CNTN6: variants seen among roughly 807,000 people sequenced by gnomAD.
The protein encoded by CNTN6 is contactin-6.
A neutral mutation model predicts 122.8 loss-of-function variants in CNTN6; 137 were observed. The observed-to-expected ratio is 1.12, with a 90% CI of 0.97 to 1.29. The LOEUF (loss-of-function observed/expected upper bound fraction) is 1.29, where lower values mean the gene tolerates loss of function less well. CNTN6 is among the 50% of genes most tolerant of loss of function. The probability of loss-of-function intolerance (pLI) is 0.00; values close to 1 mark genes in which losing one functional copy is unlikely to be tolerated. For missense variants in CNTN6, 1,634 were observed against 1,223.4 expected, an observed-to-expected ratio of 1.34 and a Z score of -5.01; for synonymous variants, 570 against 426.0, an observed-to-expected ratio of 1.34 and a Z score of -4.16.
At chr3:1,233,676 A>G (rs1045571306) in intron 4 of CNTN6, among the ~76,000 whole-genome samples, 1 of 139,174 alleles carries the variant, frequency 7.2e-6, no homozygotes, top group Non-Finnish European at 1.5e-5. Flanking sequence ...CAGAGGTTGC[A>G]GTGAGCTGAG....
chr3:1,298,668 G>A (rs1254512970), intron 7 of CNTN6, among the ~76,000 whole-genome samples: 1 of 152,086 alleles, frequency 6.6e-6, no homozygotes, highest in African/African-American at 2.4e-5. Flanking sequence ...AAAAAAGAAG[G>A]AGACAGATAG....
At chr3:1,273,777 C>T (rs1452669124) in intron 4 of CNTN6, among the ~76,000 whole-genome samples, 1 of 152,134 alleles carries the variant, frequency 6.6e-6, no homozygotes, top group East Asian at 1.9e-4. Flanking sequence ...ATAGAAATCC[C>T]ATTGTAATCA....
chr3:1,155,343 A>T (rs553823814), intron 2 of CNTN6, among the ~76,000 whole-genome samples: 8 of 152,258 alleles, frequency 5.3e-5, no homozygotes, highest in African/African-American at 1.7e-4. Flanking sequence ...CACGTTATTG[A>T]CCTCTCAAAA....
At chr3:1,232,442 C>T (rs552223785) in intron 4 of CNTN6, among the ~76,000 whole-genome samples, 116 of 152,224 alleles carry the variant, frequency 7.6e-4, no homozygotes, top group Non-Finnish European at 1.0e-3. Flanking sequence ...CAGGGGAAAC[C>T]TTTAATAAAA....
intron 7 of CNTN6, among the ~76,000 whole-genome samples, chr3:1,313,785 C>G (rs1699728742): frequency 6.6e-6 from 1 of 152,032 alleles, no homozygotes; most frequent in Non-Finnish European, 1.5e-5. Context: ...TTGTTGTTCA[C>G]AAGTTCTGGA....
At chr3:1,382,443 G>C (rs1173012544) in intron 17 of CNTN6, among the ~76,000 whole-genome samples, 1 of 151,990 alleles carries the variant, frequency 6.6e-6, no homozygotes, top group African/African-American at 2.4e-5. Flanking sequence ...AATGATGGGA[G>C]GTCTTTTATA....
At chr3:1,339,208 G>T (rs559003800) in intron 11 of CNTN6, among the ~76,000 whole-genome samples, 1 of 151,872 alleles carries the variant, frequency 6.6e-6, no homozygotes, top group African/African-American at 2.4e-5. Context: ...CTAATGTCCC[G>T]GAGGGAGAAC....
intron 2 of CNTN6, among the ~76,000 whole-genome samples, chr3:1,164,057 A>G (rs1428930446): frequency 2.0e-5 from 3 of 152,184 alleles, no homozygotes; most frequent in African/African-American, 7.2e-5. Context: ...CAAAAAGGAA[A>G]TTTGTGTGAG....
chr3:1,102,273 C>A (rs75563897), intron 1 of CNTN6, among the ~76,000 whole-genome samples: 4,065 of 152,198 alleles, frequency 0.027, 192 homozygotes, highest in African/African-American at 0.094. Context: ...TTCTAAATAG[C>A]AGGAGTGCAA....
At chr3:1,155,510 G>A (rs2092942967) in intron 2 of CNTN6, among the ~76,000 whole-genome samples, 1 of 151,812 alleles carries the variant, frequency 6.6e-6, no homozygotes, top group South Asian at 2.1e-4. Context: ...AAACTATGCT[G>A]TATACTGAAA....
At chr3:1,348,583 T>C (rs776352336) in intron 11 of CNTN6, among the ~76,000 whole-genome samples, 2 of 152,042 alleles carry the variant, frequency 1.3e-5, no homozygotes, top group Non-Finnish European at 2.9e-5. Context: ...AAATTATACA[T>C]ACATATATAC....
At chr3:1,265,044 C>CTTTTTTTTTTTTT (rs201949693) in intron 4 of CNTN6, among the ~76,000 whole-genome samples, 3 of 100,746 alleles carry the variant, frequency 3.0e-5, no homozygotes, top group East Asian at 3.1e-4. Flanking sequence ...ACCGAATTTC[C>CTTTTTTTTTTTTT]TTTTTTTTTT....
Position 1,321,774 on chromosome 3 carries a change from G to C in CNTN6, c.886G>C (p.Glu296Gln). 1 of 1,611,800 alleles carries C rather than the reference G, an allele frequency of 6.2e-7. No homozygotes were observed. Among genetic ancestry groups the C allele is most frequent in the Non-Finnish European group, 8.5e-7 (1 of 1,178,586 alleles). Residue 296 changes from glutamate (E) to glutamine (Q), a missense_variant, in exon 8 of 23, where the codon GAG (glutamate) becomes CAG (glutamine). Glu to Gln is a conservative substitution (Grantham distance 29, BLOSUM62 2). Transcript: ENST00000446702. ...CCAACAAGAAGATGAAGGCTTTTAT[G>C]AGTGCATTGCAAGCAACCTTCGAGG... Reference protein sequence around the residue: ...NFQQEDEGFYECIASNLRGRN... With the variant: ...NFQQEDEGFYQCIASNLRGRN...
rs1473631941 is a variant in CNTN6 at position 1,372,366 on chromosome 3, A to T, written c.1560A>T (p.Pro520=). The T allele has an allele frequency of 6.2e-7, 1 of 1,613,610 alleles. No individual in the cohort carries two copies. Among genetic ancestry groups the T allele is most frequent in the Non-Finnish European group, 8.5e-7 (1 of 1,179,674 alleles). Residue 520 remains proline, a synonymous_variant, in exon 13 of 23, where the codon CCA becomes CCT. Transcript: ENST00000446702. ...CAGTTGGCGAGAGTATAGTGCTACC[A>T]TGCCAGGTGTCCCATGACCCCTCCA... The part of the protein sequence containing the change: ...DVTVGESIVL[P]CQVSHDPSIE...
intron 5 of CNTN6, among the ~76,000 whole-genome samples, chr3:1,291,649 A>G (rs867080895): frequency 1.3e-5 from 2 of 152,328 alleles, no homozygotes; most frequent in Non-Finnish European, 2.9e-5. Context: ...AATCTGAACT[A>G]CATTCTTTCC....
At chr3:1,212,251 T>TG (rs1242043202) in intron 2 of CNTN6, among the ~76,000 whole-genome samples, 2 of 133,722 alleles carry the variant, frequency 1.5e-5, no homozygotes, top group East Asian at 2.4e-4. Context: ...AAATAAAACT[T>TG]GTTTTTTTTT....
chr3:1,336,946 G>A (rs1357051120), intron 11 of CNTN6, among the ~76,000 whole-genome samples: 1 of 152,052 alleles, frequency 6.6e-6, no homozygotes, highest in Non-Finnish European at 1.5e-5. Flanking sequence ...GAAGGAAATG[G>A]TAGAGAAAGA....
intron 2 of CNTN6, among the ~76,000 whole-genome samples, chr3:1,148,770 C>T (rs1001680758): frequency 2.0e-5 from 3 of 152,146 alleles, no homozygotes; most frequent in Admixed American, 6.6e-5. Flanking sequence ...AATGGGTCTT[C>T]TTTTGGTTTT....
At chr3:1,182,337 A>G (rs547355852) in intron 2 of CNTN6, among the ~76,000 whole-genome samples, 140 of 152,316 alleles carry the variant, frequency 9.2e-4, no homozygotes, top group Non-Finnish European at 1.3e-3. Context: ...TACTCCAGGT[A>G]GCTGACTTTC....
Sources: allele counts gnomAD v4.1 joint callset (sites outside exome capture counted in the v4.1 genomes callset), GRCh38; gene constraint gnomAD v4.1.1; transcripts MANE v1.5; gene names NCBI Gene and HGNC (gene_info 2026-07-23, HGNC 2026-07-21).